SORCS2: variants seen among roughly 807,000 people sequenced by gnomAD.
SORCS2 encodes the protein VPS10 domain-containing receptor SorCS2.
A neutral mutation model predicts 141.6 loss-of-function variants in SORCS2; 100 were observed. That is an observed-to-expected ratio of 0.71 (90% CI 0.60 to 0.83). SORCS2 has a LOEUF of 0.83. SORCS2 is among the 40% of genes least tolerant of loss of function. The pLI is 0.00. For synonymous variants in SORCS2, 789 were observed against 676.9 expected (o/e 1.17, Z -2.57); for missense variants, 1,646 against 1,560.2 (o/e 1.05, Z -0.93).
intron 2 of SORCS2, among the ~76,000 whole-genome samples, chr4:7,483,890 T>G (rs1191851706): frequency 6.6e-6 from 1 of 152,148 alleles, no homozygotes; most frequent in South Asian, 2.1e-4. Flanking sequence ...GTTCTGCACA[T>G]GTATCCCAGA....
chr4:7,724,495 G>GTGA (rs1726931533), intron 19 of SORCS2, among the ~76,000 whole-genome samples: 2 of 136,962 alleles, frequency 1.5e-5, no homozygotes. Context: ...GGTGGTGGTG[G>GTGA]TGACAATGGT....
intron 1 of SORCS2, among the ~76,000 whole-genome samples, chr4:7,341,414 C>T (rs1720361794): frequency 6.6e-6 from 1 of 152,234 alleles, no homozygotes; most frequent in South Asian, 2.1e-4. Flanking sequence ...GGGGCTTTGT[C>T]CCTCTCCTCG....
At chr4:7,296,460 G>A (rs931644422) in intron 1 of SORCS2, among the ~76,000 whole-genome samples, 4 of 152,146 alleles carry the variant, frequency 2.6e-5, no homozygotes, top group Admixed American at 6.5e-5. Flanking sequence ...TCACGGGCAG[G>A]GTGGCAGAGA....
intron 1 of SORCS2, among the ~76,000 whole-genome samples, chr4:7,209,720 G>A (rs1453016600): frequency 6.6e-6 from 1 of 151,904 alleles, no homozygotes; most frequent in African/African-American, 2.4e-5. Flanking sequence ...CCCTGCTGTG[G>A]GGTCGGGTTT....
intron 1 of SORCS2, among the ~76,000 whole-genome samples, chr4:7,350,910 T>C (rs1720901281): frequency 6.6e-6 from 1 of 152,128 alleles, no homozygotes; most frequent in African/African-American, 2.4e-5. Context: ...CCCACCCAAC[T>C]TCATCTTCTC....
intron 1 of SORCS2, among the ~76,000 whole-genome samples, chr4:7,394,431 T>G (rs1724071240): frequency 9.4e-6 from 1 of 106,306 alleles, no homozygotes; most frequent in Admixed American, 1.0e-4. Flanking sequence ...GAGGGGGCAT[T>G]GAGCCCAGTG....
rs1277410750 is a variant in SORCS2 at position 7,267,480 on chromosome 4, C to T, written c.480+74354C>T. 2.0e-5 allele frequency among the ~76,000 whole-genome samples: 3 copies of T among 152,130 alleles called. No homozygotes were observed. In the South Asian group the frequency reaches 6.2e-4, roughly 32 times the overall value. On this transcript the variant is annotated intron_variant, in intron 1 of 26. Transcript: ENST00000507866. Reference sequence around the variant, plus strand: ...AGATCTCCTCCTGGCCACCCCAGCCCTGGCCCGTAAGCAGAACTCGCTGGA... The same window carrying T: ...AGATCTCCTCCTGGCCACCCCAGCCTTGGCCCGTAAGCAGAACTCGCTGGA...
At position 7,723,742 on chromosome 4, in the gene SORCS2, T is replaced by G. The variant is rs1221594864; in HGVS notation, c.2470T>G (p.Phe824Val). ...TKYQVDLGDG[F>V]KAMYVNLTLT... ...GTACCAGGTAGACCTTGGGGACGGC[T>G]TCAAGGCCATGTACGTGAACCTTAC... The change falls in exon 19 of 27, where the codon TTC (phenylalanine) becomes GTC (valine). Residue 824 changes from phenylalanine to valine, a missense_variant. Phe to Val is a conservative substitution (Grantham distance 50, BLOSUM62 -1). Coordinates refer to ENST00000507866, the MANE Select transcript of SORCS2 (RefSeq NM_020777.3). The G allele has an allele frequency of 6.2e-7, 1 of 1,613,874 alleles. No individual in the cohort carries two copies. Among genetic ancestry groups the G allele is most frequent in the Non-Finnish European group, 8.5e-7 (1 of 1,179,882 alleles).
At chr4:7,688,200 T>C (rs1301798581) in intron 10 of SORCS2, among the ~76,000 whole-genome samples, 1 of 152,156 alleles carries the variant, frequency 6.6e-6, no homozygotes, top group East Asian at 1.9e-4. Flanking sequence ...GACGTGATGT[T>C]AGTAGATGAT....
intron 1 of SORCS2, among the ~76,000 whole-genome samples, chr4:7,360,973 C>T (rs1721548012): frequency 6.6e-6 from 1 of 152,000 alleles, no homozygotes; most frequent in African/African-American, 2.4e-5. Flanking sequence ...TCCCCTGTGG[C>T]TCTTGCATCA....
At position 7,434,152 on chromosome 4, in the gene SORCS2, G is replaced by A. The variant is rs1342963637; in HGVS notation, c.548+37797G>A. 30 of 1,613,826 alleles carry A rather than the reference G, an allele frequency of 1.9e-5. No individual in the cohort carries two copies. In the Admixed American group the frequency reaches 4.7e-4, roughly 25 times the overall value. On this transcript the variant is annotated intron_variant, in intron 2 of 26. Coordinates refer to ENST00000507866, the MANE Select transcript of SORCS2 (RefSeq NM_020777.3). ...CCCCTTCCTGCAGAGCTCCTGCGGG[G>A]GGAGAAGCCTCAGTGCTTGGTCAGC...
At chr4:7,290,540 GC>G (rs1716532794) in intron 1 of SORCS2, among the ~76,000 whole-genome samples, 1 of 152,126 alleles carries the variant, frequency 6.6e-6, no homozygotes, top group Admixed American at 6.5e-5. Context: ...TATACCTATT[GC>G]CCAGGTGGGG....
At chr4:7,460,937 C>T (rs1226539289) in intron 2 of SORCS2, among the ~76,000 whole-genome samples, 6 of 151,004 alleles carry the variant, frequency 4.0e-5, no homozygotes, top group Middle Eastern at 3.2e-3. Context: ...CACAGGCACC[C>T]GGTTTCCATC....
chr4:7,726,724 C>T, intron 20 of SORCS2, 56 bp from the exon 21 acceptor site: 1 of 1,589,924 alleles, frequency 6.3e-7, no homozygotes, highest in Middle Eastern at 1.7e-4. Context: ...GGCCAGCGTC[C>T]CCCACGGCCG....
chr4:7,426,529 G>C (rs1259198601), intron 2 of SORCS2, among the ~76,000 whole-genome samples: 1 of 152,172 alleles, frequency 6.6e-6, no homozygotes, highest in Non-Finnish European at 1.5e-5. Flanking sequence ...CTTGAGACCA[G>C]CCTGAGCAAT....
chr4:7,698,446 G>A (rs989551236), intron 12 of SORCS2, among the ~76,000 whole-genome samples: 3 of 152,174 alleles, frequency 2.0e-5, no homozygotes, highest in Non-Finnish European at 2.9e-5. Context: ...GGGCAAAGGC[G>A]ATTTATTGTA....
At chr4:7,451,881 T>C (rs1417647368) in intron 2 of SORCS2, among the ~76,000 whole-genome samples, 3 of 152,196 alleles carry the variant, frequency 2.0e-5, no homozygotes, top group Non-Finnish European at 4.4e-5. Flanking sequence ...GAACATTCCC[T>C]GACACCTGGC....
At chr4:7,206,281 C>A (rs999578360) in intron 1 of SORCS2, among the ~76,000 whole-genome samples, 3 of 152,180 alleles carry the variant, frequency 2.0e-5, no homozygotes, top group Admixed American at 6.5e-5. Context: ...TGGTCTGTTT[C>A]ATTCCCTGTT....
intron 2 of SORCS2, among the ~76,000 whole-genome samples, chr4:7,478,914 G>A (rs1560317976): frequency 6.6e-6 from 1 of 152,184 alleles, no homozygotes; most frequent in Non-Finnish European, 1.5e-5. Context: ...GTCACTCAAA[G>A]CCTCCGTGGC....
Sources: gnomAD v4.1 joint callset for allele counts (sites outside exome capture counted in the v4.1 genomes callset) on GRCh38, gnomAD v4.1.1 for gene constraint, MANE v1.5 for transcripts, NCBI Gene and HGNC (gene_info 2026-07-23, HGNC 2026-07-21) for gene names.